MCM3AP: variants seen among roughly 807,000 people sequenced by gnomAD.
MCM3AP encodes the protein minichromosome maintenance complex component 3 associated protein, also known as germinal-center associated nuclear protein.
Under a neutral mutation model 184.1 loss-of-function variants are expected in MCM3AP, and 126 were observed. That is an observed-to-expected ratio of 0.68 (90% CI 0.59 to 0.79). The LOEUF is 0.79. MCM3AP is among the 30% of genes least tolerant of loss of function. The pLI is 0.00. For synonymous variants in MCM3AP, 1,002 were observed against 979.3 expected, an observed-to-expected ratio of 1.02 and a Z score of -0.43; for missense variants, 2,496 against 2,479.2, an observed-to-expected ratio of 1.01 and a Z score of -0.14.
At chr21:46,282,727 C>T (rs1040675961) in intron 2 of MCM3AP, among the ~76,000 whole-genome samples, 2 of 151,532 alleles carry the variant, frequency 1.3e-5, no homozygotes, top group South Asian at 4.2e-4. Context: ...ATGGCGTGAA[C>T]CCGGGAAGTG....
At chr21:46,239,844 G>A (rs1569049028) in intron 26 of MCM3AP, among the ~76,000 whole-genome samples, 1 of 152,078 alleles carries the variant, frequency 6.6e-6, no homozygotes, top group Admixed American at 6.6e-5. Flanking sequence ...CAGGGCAGGA[G>A]GGGGACCACG....
rs1393217209 is a variant in MCM3AP, at chr21:46,243,451, C to T, written c.5296+14G>A. On this transcript the variant is annotated intron_variant, in intron 24 of 27. Coordinates refer to ENST00000291688, the MANE Select transcript of MCM3AP (RefSeq NM_003906.5). ...TCGTGAGGAGCTGATCCCATTGCAT[C>T]AAGCTCTAATTACCTGATGTAACAG... 1.1e-5 allele frequency: 17 copies of T among 1,589,932 alleles called. No individual in the cohort carries two copies. Among genetic ancestry groups the T allele is most frequent in the African/African-American group, 2.7e-5 (2 of 74,394 alleles).
rs754041729 is a variant in MCM3AP at position 46,284,458 on chromosome 21, C to T, written c.829G>A (p.Ala277Thr). 11 of 1,614,192 alleles carry T rather than the reference C, an allele frequency of 6.8e-6. No individual in the cohort carries two copies. Among genetic ancestry groups the T allele is most frequent in the African/African-American group, 2.7e-5 (2 of 75,052 alleles). ...KAGVRQGCEEAVSQVEPLPSL... is the reference protein window; with the variant it reads ...KAGVRQGCEETVSQVEPLPSL... ...GGAAGTGGTTCCACCTGGGAAACAG[C>T]TTCTTCACACCCCTGCCTGACACCT... The change falls in exon 1 of 28, where the codon GCT (alanine) becomes ACT (threonine). Residue 277 changes from alanine (A) to threonine (T), a missense_variant. Physicochemically the swap from Ala to Thr is moderately conservative, Grantham distance 58 (BLOSUM62 0). Transcript: ENST00000291688.
At chr21:46,286,105 G>C (rs1336686914), upstream of MCM3AP, 2 of 152,204 alleles carry the variant, frequency 1.3e-5, no homozygotes, top group Non-Finnish European at 2.9e-5. Flanking sequence ...AGCTGCGTGG[G>C]GGAAGGAAAC....
At chr21:46,261,508 G>A in intron 13 of MCM3AP, 97 bp from the exon 14 acceptor site, 2 of 1,072,128 alleles carry the variant, frequency 1.9e-6, no homozygotes, top group Non-Finnish European at 2.8e-6. Context: ...GCTGAGGTGG[G>A]CGGATCACAA....
At chr21:46,270,670 G>A (rs953683267) in intron 8 of MCM3AP, 107 bp from the exon 9 acceptor site, 2 of 991,258 alleles carry the variant, frequency 2.0e-6, no homozygotes, top group Non-Finnish European at 3.0e-6. Flanking sequence ...CAGATGCAGT[G>A]GCTCACACCT....
At chr21:46,254,741 C>A (rs1569062060) in intron 18 of MCM3AP, 35 bp downstream of exon 18, 2 of 1,597,128 alleles carry the variant, frequency 1.3e-6, no homozygotes, top group Non-Finnish European at 1.7e-6. Flanking sequence ...ACGGGGATCA[C>A]CAGGGGGTGC....
intron 20 of MCM3AP, among the ~76,000 whole-genome samples, chr21:46,248,420 C>T (rs909152985): frequency 6.6e-6 from 1 of 152,172 alleles, no homozygotes; most frequent in African/African-American, 2.4e-5. Flanking sequence ...GTCTAGGGAA[C>T]AGCCATCCAG....
Position 46,242,790 on chromosome 21 carries a change from C to T in MCM3AP, c.5426+12G>A, listed in dbSNP as rs1212895540. On this transcript the variant is annotated intron_variant, in intron 25 of 27. Transcript: ENST00000291688. Reference sequence around the variant, plus strand: ...TAGCAAGCAACAGAAACATACTGAACATGAACCTCACCGTCCCTCTCTCAG... The same window carrying T: ...TAGCAAGCAACAGAAACATACTGAATATGAACCTCACCGTCCCTCTCTCAG... 1.9e-6 allele frequency: 3 copies of T among 1,600,278 alleles called. No individual in the cohort carries two copies. The highest frequency in any genetic ancestry group is 1.8e-5 in the Admixed American group (1 of 55,938).
rs778239791 is a variant in MCM3AP, at chr21:46,284,470, C to T, written c.817G>A (p.Gly273Arg). ...FQASKAGVRQ[G>R]CEEAVSQVEP... ...ACCTGGGAAACAGCTTCTTCACACC[C>T]CTGCCTGACACCTGCTTTGCTAGCC... Residue 273 changes from glycine to arginine, a missense_variant, in exon 1 of 28, where the codon GGG becomes AGG. Gly to Arg is a moderately radical substitution (Grantham distance 125). Transcript: ENST00000291688. 6.8e-6 allele frequency: 11 copies of T among 1,614,172 alleles called. 1 individual carries two copies. The South Asian group carries it at 8.8e-5, about 13-fold the overall frequency.
chr21:46,280,272 T>G, intron 3 of MCM3AP, 135 bp from the exon 4 acceptor site: 2 of 1,055,326 alleles, frequency 1.9e-6, no homozygotes, highest in Non-Finnish European at 2.8e-6. Flanking sequence ...AGGAAATAAC[T>G]GTGAGATGCA....
At chr21:46,281,639 T>A (rs112359127) in intron 2 of MCM3AP, among the ~76,000 whole-genome samples, 9 of 152,060 alleles carry the variant, frequency 5.9e-5, no homozygotes, top group Non-Finnish European at 1.3e-4. Flanking sequence ...CTGGGCCACA[T>A]AGTGAAACTT....
chr21:46,251,030 T>TC (rs2080859643), intron 20 of MCM3AP: 1 of 152,214 alleles, frequency 6.6e-6, no homozygotes, highest in African/African-American at 2.4e-5. Context: ...TGGGTGGCAT[T>TC]ATTTGACTTC....
chr21:46,267,218 G>C, intron 9 of MCM3AP, 76 bp from the exon 10 acceptor site: 1 of 1,434,318 alleles, frequency 7.0e-7, no homozygotes, highest in Non-Finnish European at 9.5e-7. Context: ...CATGACCACA[G>C]CCATGGCCAG....
At chr21:46,251,021 G>C (rs930942815) in intron 20 of MCM3AP, 5 of 152,206 alleles carry the variant, frequency 3.3e-5, no homozygotes, top group Non-Finnish European at 7.3e-5. Context: ...TAAATCACGT[G>C]GGTGGCATTA....
intron 5 of MCM3AP, among the ~76,000 whole-genome samples, chr21:46,276,145 A>C (rs1439653344): frequency 6.6e-6 from 1 of 151,984 alleles, no homozygotes; most frequent in Non-Finnish European, 1.5e-5. Flanking sequence ...CCAGCTACTC[A>C]GGAGGCTGAG....
At chr21:46,275,090 A>G in intron 6 of MCM3AP, 96 bp downstream of exon 6, 1 of 1,364,612 alleles carries the variant, frequency 7.3e-7, no homozygotes, top group Non-Finnish European at 9.7e-7. Context: ...AATACCCAAC[A>G]CTGTCTAAAA....
chr21:46,251,762 G>A (rs1159548643), intron 19 of MCM3AP, 80 bp from the exon 20 acceptor site: 1 of 909,054 alleles, frequency 1.1e-6, no homozygotes, highest in Non-Finnish European at 1.6e-6. Context: ...AGACTTTCAG[G>A]AAAAGAAGAA....
At chr21:46,239,944 C>G (rs2080625152) in intron 26 of MCM3AP, among the ~76,000 whole-genome samples, 2 of 151,986 alleles carry the variant, frequency 1.3e-5, no homozygotes, top group Admixed American at 1.3e-4. Flanking sequence ...GGCCTTCATC[C>G]CCATGGGAAA....
Sources: allele counts gnomAD v4.1 joint callset (sites outside exome capture counted in the v4.1 genomes callset), GRCh38; gene constraint gnomAD v4.1.1; transcripts MANE v1.5; gene names NCBI Gene and HGNC (gene_info 2026-07-23, HGNC 2026-07-21).